Variants in CDH23 observed in about 807,000 individuals in gnomAD.
CDH23 encodes the protein cadherin-23.
CDH23 carries 189 observed loss-of-function variants against 317.1 expected under a neutral mutation model. The ratio of observed to expected loss-of-function variants is 0.60; its 90% CI spans 0.53 to 0.67. The LOEUF is 0.67. CDH23 is among the 30% of genes least tolerant of loss of function. The pLI is 0.00. For synonymous variants in CDH23, 1,839 were observed against 1,876.8 expected, an observed-to-expected ratio of 0.98 and a Z score of 0.52; for missense variants, 4,401 against 4,592.4, an observed-to-expected ratio of 0.96 and a Z score of 1.20.
intron 3 of CDH23, among the ~76,000 whole-genome samples, chr10:71,496,835 G>A (rs1853004791): frequency 3.0e-5 from 1 of 33,626 alleles, no homozygotes; most frequent in Non-Finnish European, 8.7e-5. Context: ...GTGTACAGAT[G>A]GACAGTTGGG....
chr10:71,607,995 T>C (rs895488354), intron 9 of CDH23, among the ~76,000 whole-genome samples: 2 of 152,184 alleles, frequency 1.3e-5, no homozygotes, highest in African/African-American at 4.8e-5. Context: ...CCACAATAAG[T>C]GCCTTACGTA....
Position 71,541,492 on chromosome 10 carries a change from G to A in CDH23, c.430-25250G>A, listed in dbSNP as rs549488864. Among the ~76,000 whole-genome samples, 5 of 152,376 alleles carry A rather than the reference G, an allele frequency of 3.3e-5. No homozygotes were observed. The South Asian group carries it at 6.2e-4, about 19-fold the overall frequency. ...GTCCCAGAGCTGCAGGCTGCTAGGA[G>A]GAAACTTCTTCACTCTGGACATTGA... On this transcript the variant is annotated intron_variant, in intron 6 of 69. Coordinates refer to ENST00000224721, the MANE Select transcript of CDH23 (RefSeq NM_022124.6).
intron 6 of CDH23, among the ~76,000 whole-genome samples, chr10:71,526,605 A>G (rs1855052649): frequency 6.6e-6 from 1 of 152,206 alleles, no homozygotes; most frequent in African/African-American, 2.4e-5. Context: ...TCTTAGTCTC[A>G]AGCTCCAGGA....
chr10:71,662,057 A>G (rs2132635073), intron 14 of CDH23, among the ~76,000 whole-genome samples: 1 of 151,072 alleles, frequency 6.6e-6, no homozygotes, highest in South Asian at 2.1e-4. Flanking sequence ...GGTCTCACAG[A>G]TCATGGGTGA....
chr10:71,583,766 G>A (rs766400863), intron 9 of CDH23, among the ~76,000 whole-genome samples: 5 of 152,188 alleles, frequency 3.3e-5, no homozygotes, highest in Admixed American at 1.3e-4. Context: ...GCACTGCCTG[G>A]ACACAAGTTA....
chr10:71,739,436 C>A (rs2132843550), intron 35 of CDH23, among the ~76,000 whole-genome samples: 2 of 152,322 alleles, frequency 1.3e-5, no homozygotes, highest in Admixed American at 1.3e-4. Flanking sequence ...AGCCCCGGAA[C>A]TTTCCATGGG....
At chr10:71,470,691 C>T (rs1851465859) in intron 3 of CDH23, among the ~76,000 whole-genome samples, 2 of 152,014 alleles carry the variant, frequency 1.3e-5, no homozygotes, top group East Asian at 3.8e-4. Context: ...TGGGGTCTTG[C>T]TGTGTTGTCT....
At chr10:71,707,298 G>A (rs974868809) in intron 26 of CDH23, 1 of 1,431,960 alleles carries the variant, frequency 7.0e-7, no homozygotes, top group Admixed American at 2.8e-5. Context: ...CAGGGACGGG[G>A]AGCATCTACC....
At chr10:71,651,074 GA>G (rs1165089254) in intron 14 of CDH23, among the ~76,000 whole-genome samples, 1 of 152,200 alleles carries the variant, frequency 6.6e-6, no homozygotes, top group Non-Finnish European at 1.5e-5. Flanking sequence ...GACTAACTAC[GA>G]AATGAATCTT....
chr10:71,439,657 G>A (rs1849780139), intron 1 of CDH23, among the ~76,000 whole-genome samples, 170 bp from the exon 2 acceptor site: 1 of 152,208 alleles, frequency 6.6e-6, no homozygotes, highest in Non-Finnish European at 1.5e-5. Context: ...AAATGATACA[G>A]ACCCTCTCCT....
chr10:71,626,792 T>C (rs1234111802), intron 11 of CDH23, among the ~76,000 whole-genome samples: 1 of 152,198 alleles, frequency 6.6e-6, no homozygotes, highest in Non-Finnish European at 1.5e-5. Context: ...TTCTCCTCCA[T>C]GAAGGTGGTA....
chr10:71,555,281 C>T (rs1352918412), intron 6 of CDH23, among the ~76,000 whole-genome samples: 2 of 152,142 alleles, frequency 1.3e-5, no homozygotes, highest in Non-Finnish European at 2.9e-5. Context: ...ATGTCCTGGG[C>T]GCTGGGGCCA....
intron 28 of CDH23, chr10:71,716,136 G>A (rs760403862): frequency 3.2e-5 from 49 of 1,550,070 alleles, no homozygotes; most frequent in South Asian, 2.1e-4. Context: ...GCCCTGCGGC[G>A]GCTCGGGTCC....
At chr10:71,604,273 C>A (rs1860401745) in intron 9 of CDH23, among the ~76,000 whole-genome samples, 1 of 152,130 alleles carries the variant, frequency 6.6e-6, no homozygotes, top group Non-Finnish European at 1.5e-5. Context: ...GGGTGAGATC[C>A]TGTCTCTAAA....
chr10:71,789,944 C>T (rs1841198725), intron 45 of CDH23, among the ~76,000 whole-genome samples: 1 of 152,220 alleles, frequency 6.6e-6, no homozygotes, highest in African/African-American at 2.4e-5. Context: ...TGTTGACAGG[C>T]GAGACCCACA....
intron 53 of CDH23, among the ~76,000 whole-genome samples, 187 bp downstream of exon 53, chr10:71,800,942 A>G (rs2132972390): frequency 6.6e-6 from 1 of 152,308 alleles, no homozygotes; most frequent in East Asian, 1.9e-4. Context: ...GCTTAGGAAG[A>G]CAGGGACCCT....
intron 48 of CDH23, 56 bp from the exon 49 acceptor site, chr10:71,797,048 A>C: frequency 8.7e-7 from 1 of 1,153,974 alleles, no homozygotes; most frequent in Non-Finnish European, 1.3e-6. Context: ...ACCCCTGGGA[A>C]GGGCAGATTT....
intron 3 of CDH23, among the ~76,000 whole-genome samples, chr10:71,499,519 G>A (rs185144487): frequency 1.3e-5 from 2 of 152,066 alleles, no homozygotes; most frequent in Non-Finnish European, 2.9e-5. Flanking sequence ...CTGATATCAT[G>A]CCATTGCACT....
intron 3 of CDH23, 172 bp from the exon 4 acceptor site, chr10:71,509,910 G>A: frequency 1.5e-6 from 1 of 652,064 alleles, no homozygotes; most frequent in Non-Finnish European, 2.7e-6. Flanking sequence ...GTGGAGGTGG[G>A]GTACCTGGAT....
Sources: allele counts gnomAD v4.1 joint callset (sites outside exome capture counted in the v4.1 genomes callset), GRCh38; gene constraint gnomAD v4.1.1; transcripts MANE v1.5; gene names NCBI Gene and HGNC (gene_info 2026-07-23, HGNC 2026-07-21).